Variants in MAST4 observed in about 807,000 individuals in gnomAD.
The protein encoded by MAST4 is microtubule-associated serine/threonine-protein kinase 4.
Under a neutral mutation model 162.7 loss-of-function variants are expected in MAST4, and 89 were observed. The observed-to-expected ratio is 0.55, with a 90% CI of 0.46 to 0.65. The LOEUF is 0.65. Ranked by LOEUF, MAST4 falls within the 30% of genes least tolerant of loss-of-function variation. The pLI, the probability that MAST4 is intolerant of heterozygous loss-of-function variation, is 0.00. For missense variants in MAST4, 3,153 were observed against 3,374.0 expected (o/e 0.93, Z 1.62); for synonymous variants, 1,479 against 1,361.1 (o/e 1.09, Z -1.91).
intron 16 of MAST4, among the ~76,000 whole-genome samples, chr5:67,132,514 T>A (rs1721482761): frequency 6.6e-6 from 1 of 152,134 alleles, no homozygotes; most frequent in Non-Finnish European, 1.5e-5. Flanking sequence ...AGATTACCTT[T>A]TCCTACTCCA....
chr5:66,782,122 C>T (rs1754899608), intron 2 of MAST4, among the ~76,000 whole-genome samples: 1 of 151,900 alleles, frequency 6.6e-6, no homozygotes, highest in East Asian at 1.9e-4. Context: ...AACCCTGTCT[C>T]TATTAAAAAT....
chr5:66,921,034 A>T (rs1007305451), intron 4 of MAST4, among the ~76,000 whole-genome samples: 9 of 152,178 alleles, frequency 5.9e-5, no homozygotes, highest in Non-Finnish European at 1.0e-4. Flanking sequence ...CCAAAAAGCC[A>T]CTTACGATTA....
chr5:66,965,045 A>G (rs770679528), intron 4 of MAST4, among the ~76,000 whole-genome samples: 1 of 152,194 alleles, frequency 6.6e-6, no homozygotes, highest in African/African-American at 2.4e-5. Flanking sequence ...TGCAAAGAAT[A>G]ATCGACTAGG....
chr5:66,696,180 A>G (rs570992079), intron 1 of MAST4, among the ~76,000 whole-genome samples: 2 of 152,180 alleles, frequency 1.3e-5, no homozygotes, highest in South Asian at 4.2e-4. Flanking sequence ...GGAGGGGAAA[A>G]ACACACACTG....
intron 4 of MAST4, among the ~76,000 whole-genome samples, chr5:66,984,704 G>A (rs563203726): frequency 6.6e-6 from 1 of 151,574 alleles, no homozygotes; most frequent in Non-Finnish European, 1.5e-5. Flanking sequence ...ATGGATTCAG[G>A]CTGTGTTCTG....
chr5:67,017,835 G>C (rs950304360), intron 4 of MAST4, among the ~76,000 whole-genome samples: 1 of 151,996 alleles, frequency 6.6e-6, no homozygotes, highest in African/African-American at 2.4e-5. Flanking sequence ...CTAACCTTGT[G>C]ATCCGGCCAC....
At chr5:66,780,117 T>C (rs1462894621) in intron 2 of MAST4, among the ~76,000 whole-genome samples, 7 of 152,176 alleles carry the variant, frequency 4.6e-5, no homozygotes, top group Non-Finnish European at 7.3e-5. Context: ...TTTTTACATG[T>C]ATAATTTAAC....
chr5:66,760,500 T>C lies in MAST4; in HGVS notation c.517+638T>C, dbSNP rs1753796533. 3.3e-5 allele frequency among the ~76,000 whole-genome samples: 5 copies of C among 152,316 alleles called. No homozygotes were observed. The South Asian group carries it at 1.0e-3, about 32-fold the overall frequency. ...CTACTGCCGTGATCAGGATATAAAA[T>C]GTTTCCCATGCTCTTCCTAGTCAAA... On this transcript the variant is annotated intron_variant, in intron 2 of 28. Coordinates refer to ENST00000403625, the MANE Select transcript of MAST4 (RefSeq NM_001164664.2).
chr5:66,973,056 CCCTT>C (rs1254347506), intron 4 of MAST4, among the ~76,000 whole-genome samples: 2 of 152,028 alleles, frequency 1.3e-5, no homozygotes, highest in Admixed American at 6.5e-5. Flanking sequence ...GCTCTTTCTC[CCCTT>C]CCTTCTCTCT....
chr5:66,922,974 C>T (rs145260348), intron 4 of MAST4, among the ~76,000 whole-genome samples: 7 of 152,278 alleles, frequency 4.6e-5, no homozygotes, highest in Non-Finnish European at 7.4e-5. Context: ...GGCATCCAAC[C>T]GTGGAGCATA....
At chr5:67,116,728 A>G (rs1317590786) in intron 12 of MAST4, among the ~76,000 whole-genome samples, 3 of 151,992 alleles carry the variant, frequency 2.0e-5, no homozygotes, top group Non-Finnish European at 4.4e-5. Context: ...AGGCAGGAGA[A>G]TCGCTCGAAC....
chr5:66,692,984 ATTTTTTTT>A, intron 1 of MAST4, among the ~76,000 whole-genome samples: 1 of 133,160 alleles, frequency 7.5e-6, no homozygotes, highest in African/African-American at 2.8e-5. Context: ...TAAAGTTTGT[ATTTTTTTT>A]TTTTTTTTTG....
chr5:67,058,787 T>C (rs1031104605), intron 5 of MAST4, among the ~76,000 whole-genome samples: 4 of 152,220 alleles, frequency 2.6e-5, no homozygotes, highest in African/African-American at 9.7e-5. Flanking sequence ...GTTAATTGTT[T>C]AGCGAATAAG....
intron 6 of MAST4, among the ~76,000 whole-genome samples, chr5:67,093,175 TTGC>T (rs1485153053): frequency 3.9e-5 from 6 of 152,186 alleles, no homozygotes; most frequent in Non-Finnish European, 8.8e-5. Context: ...TGTTATTTTT[TTGC>T]TGATCTTTTT....
chr5:66,845,242 A>G (rs1452943947), intron 3 of MAST4, among the ~76,000 whole-genome samples: 3 of 150,916 alleles, frequency 2.0e-5, no homozygotes, highest in African/African-American at 7.3e-5. Context: ...TACATTAGGC[A>G]TTTCTCCTAA....
At chr5:66,767,638 G>A (rs1172560563) in intron 2 of MAST4, among the ~76,000 whole-genome samples, 1 of 151,920 alleles carries the variant, frequency 6.6e-6, no homozygotes, top group Non-Finnish European at 1.5e-5. Context: ...ATAAAGGGGA[G>A]TTTATTAAGT....
intron 3 of MAST4, among the ~76,000 whole-genome samples, chr5:66,804,199 G>T (rs1258717855): frequency 6.6e-6 from 1 of 152,134 alleles, no homozygotes; most frequent in East Asian, 1.9e-4. Flanking sequence ...GATTATCTTT[G>T]TCTAGTTTTA....
rs116304786 is a variant in MAST4, at chr5:66,764,191, A to G, written c.517+4329A>G. 5.3e-3 allele frequency among the ~76,000 whole-genome samples: 809 copies of G among 152,300 alleles called. 8 individuals carry two copies. The highest frequency in any genetic ancestry group is 8.5e-3 in the Admixed American group (130 of 15,292). ...TTGGCTGTAGGTCACTCTGGGCCCT[A>G]CTGGGCTTGGTTCCAGGTTGCAGTT... is the stretch of plus-strand genomic sequence containing the variant. On this transcript the variant is annotated intron_variant, in intron 2 of 28. Coordinates refer to ENST00000403625, the MANE Select transcript of MAST4 (RefSeq NM_001164664.2).
chr5:67,070,785 G>A (rs191719257), intron 5 of MAST4, among the ~76,000 whole-genome samples: 4 of 152,220 alleles, frequency 2.6e-5, no homozygotes, highest in African/African-American at 7.2e-5. Context: ...TAGCAAGATA[G>A]GCAGGAGACA....
Sources: gnomAD v4.1 joint callset for allele counts (sites outside exome capture counted in the v4.1 genomes callset) on GRCh38, gnomAD v4.1.1 for gene constraint, MANE v1.5 for transcripts, NCBI Gene and HGNC (gene_info 2026-07-23, HGNC 2026-07-21) for gene names.